The following BNIP5 variants were observed in gnomAD, a reference collection of about 807,000 sequenced individuals.
BNIP5 encodes the protein protein BNIP5.
In BNIP5, 61 loss-of-function variants were observed where a neutral mutation model predicts 67.3. That is an observed-to-expected ratio of 0.91 (90% confidence interval 0.74 to 1.12). BNIP5 has a LOEUF of 1.12. Ranked by LOEUF, BNIP5 falls within the 50% of genes most tolerant of loss-of-function variation. BNIP5 has a pLI of 0.00. For missense variants in BNIP5, 826 were observed against 816.3 expected (o/e 1.01, Z -0.14); for synonymous variants, 317 against 319.0 (o/e 0.99, Z 0.07).
chr6:36,332,889 A>G (rs1335037509), intron 1 of BNIP5, among the ~76,000 whole-genome samples: 1 of 152,200 alleles, frequency 6.6e-6, no homozygotes, highest in African/African-American at 2.4e-5. Context: ...GCCAAACCTG[A>G]GCCCCTGGAG....
chr6:36,335,390 A>T (rs960509110), intron 1 of BNIP5, among the ~76,000 whole-genome samples: 7 of 152,166 alleles, frequency 4.6e-5, no homozygotes, highest in Non-Finnish European at 8.8e-5. Flanking sequence ...TGTGGCACAC[A>T]CACGTGGACC....
rs533239992 is a variant in BNIP5 at position 36,319,428 on chromosome 6, A to G, written c.1851T>C (p.His617=). 8.2e-5 allele frequency: 132 copies of G among 1,614,126 alleles called. No individual in the cohort carries two copies. In the East Asian group the frequency reaches 2.9e-3, roughly 35 times the overall value. The change falls in exon 11 of 12, where the codon CAT becomes CAC. Residue 617 remains histidine, a synonymous_variant. Coordinates refer to ENST00000437635, the MANE Select transcript of BNIP5 (RefSeq NM_001010903.5). ...LANKFAGSNS[H]AMCILMGLRD... Reference sequence around the variant, plus strand: ...TTAGGCCCATGAGGATGCACATGGCATGGCTGTTGCTGCCAGCAAATTTGT... The same window carrying G: ...TTAGGCCCATGAGGATGCACATGGCGTGGCTGTTGCTGCCAGCAAATTTGT...
intron 3 of BNIP5, 27 bp from the exon 4 acceptor site, chr6:36,327,121 A>G (rs1771783116): frequency 2.5e-6 from 4 of 1,600,718 alleles, no homozygotes; most frequent in Non-Finnish European, 3.4e-6. Flanking sequence ...GCATCCGGTT[A>G]TTCTTTCTAA....
At chr6:36,329,686 C>G (rs1206191566) in intron 2 of BNIP5, among the ~76,000 whole-genome samples, 1 of 152,210 alleles carries the variant, frequency 6.6e-6, no homozygotes, top group East Asian at 1.9e-4. Flanking sequence ...GTGGTGGGCA[C>G]CTGTAGTCCC....
chr6:36,320,851 G>A (rs1039146111), intron 10 of BNIP5, among the ~76,000 whole-genome samples: 1 of 152,218 alleles, frequency 6.6e-6, no homozygotes, highest in African/African-American at 2.4e-5. Context: ...CCAAGGACGG[G>A]GGACATGAGC....
chr6:36,319,536 G>C lies in BNIP5; in HGVS notation c.1743C>G (p.Thr581=). 3.7e-6 allele frequency: 6 copies of C among 1,614,126 alleles called. No individual in the cohort carries two copies. Among genetic ancestry groups the C allele is most frequent in the Non-Finnish European group, 4.2e-6 (5 of 1,180,000 alleles). The change falls in exon 11 of 12, where the codon ACC becomes ACG. Residue 581 remains threonine (T), a synonymous_variant. Coordinates refer to ENST00000437635, the MANE Select transcript of BNIP5 (RefSeq NM_001010903.5). ...SDSSLSKLVA[T]LRSQVAHSSK... ...AGGAGTGAGCCACCTGGCTGCGCAGGGTGGCTACCAGCTTGCTGAGGGAGG... is the reference window on the plus strand; with the variant it reads ...AGGAGTGAGCCACCTGGCTGCGCAGCGTGGCTACCAGCTTGCTGAGGGAGG...
intron 4 of BNIP5, 29 bp from the exon 5 acceptor site, chr6:36,326,782 G>A: frequency 6.2e-7 from 1 of 1,612,406 alleles, no homozygotes; most frequent in East Asian, 2.2e-5. Context: ...AAACTGGTCA[G>A]GTTCATGACA....
At chr6:36,326,387 G>T in intron 5 of BNIP5, 123 bp downstream of exon 5, 1 of 1,212,128 alleles carries the variant, frequency 8.2e-7, no homozygotes, top group Non-Finnish European at 1.1e-6. Flanking sequence ...ACCACTCAGG[G>T]CAGAGTGCAA....
At chr6:36,317,487 C>G (rs9470252) in intron 11 of BNIP5, 96 bp from the exon 12 acceptor site, 2 of 1,030,410 alleles carry the variant, frequency 1.9e-6, no homozygotes, top group Non-Finnish European at 3.1e-6. Context: ...CATTGACACC[C>G]CACCCCAGCC....
At chr6:36,318,860 C>T (rs1032419580) in intron 11 of BNIP5, among the ~76,000 whole-genome samples, 1 of 152,166 alleles carries the variant, frequency 6.6e-6, no homozygotes, top group South Asian at 2.1e-4. Context: ...ATTAAGCAAC[C>T]AAGGCCAGGT....
Position 36,326,704 on chromosome 6 carries a change from G to T in BNIP5, c.842C>A (p.Ala281Asp), listed in dbSNP as rs201345909. The T allele has an allele frequency of 3.3e-4, 528 of 1,614,264 alleles. 5 individuals are homozygous for T. In the South Asian group the frequency reaches 5.2e-3, roughly 16 times the overall value. Residue 281 changes from alanine (A) to aspartate (D), a missense_variant, in exon 5 of 12, where the codon GCT becomes GAT. By Grantham distance (126) the Ala-to-Asp change is moderately radical. Transcript: ENST00000437635. ...LGVALPNPAP[A>D]VRKKSQEKKT... is the part of the protein sequence containing the mutation. Reference sequence around the variant, plus strand: ...TTTCTCTTGGGATTTCTTCCTAACAGCTGGTGCTGGGTTTGGCAGGGCCAC... The same window carrying T: ...TTTCTCTTGGGATTTCTTCCTAACATCTGGTGCTGGGTTTGGCAGGGCCAC...
At chr6:36,317,801 C>T (rs990907871) in intron 11 of BNIP5, among the ~76,000 whole-genome samples, 1 of 146,232 alleles carries the variant, frequency 6.8e-6, no homozygotes, top group Non-Finnish European at 1.5e-5. Flanking sequence ...CAATAGCTAC[C>T]AGTTAAATGA....
At chr6:36,324,066 A>G in intron 7 of BNIP5, 63 bp downstream of exon 7, 1 of 1,236,102 alleles carries the variant, frequency 8.1e-7, no homozygotes, top group South Asian at 1.2e-5. Flanking sequence ...GGAAGTTGTT[A>G]CACCAGGCAG....
chr6:36,324,054 A>C, intron 7 of BNIP5, 75 bp downstream of exon 7: 1 of 1,045,318 alleles, frequency 9.6e-7, no homozygotes, highest in Non-Finnish European at 1.5e-6. Context: ...CAGCAGAGAC[A>C]GGGAAGTTGT....
At chr6:36,332,155 C>G (rs1433486454) in intron 1 of BNIP5, among the ~76,000 whole-genome samples, 3 of 152,234 alleles carry the variant, frequency 2.0e-5, no homozygotes, top group Non-Finnish European at 4.4e-5. Context: ...ATCTCTCTCA[C>G]TCCACTCCAC....
intron 2 of BNIP5, among the ~76,000 whole-genome samples, chr6:36,329,574 G>T (rs1010505002): frequency 2.0e-5 from 3 of 152,152 alleles, no homozygotes; most frequent in African/African-American, 7.2e-5. Context: ...ACACTAGGGG[G>T]CCACAGCCCG....
intron 3 of BNIP5, among the ~76,000 whole-genome samples, chr6:36,328,030 A>G: frequency 6.6e-6 from 1 of 152,218 alleles, no homozygotes; most frequent in East Asian, 1.9e-4. Context: ...AAATATGCTC[A>G]TCTTTTTTAC....
chr6:36,334,503 C>T (rs1209508364), intron 1 of BNIP5, among the ~76,000 whole-genome samples: 1 of 152,106 alleles, frequency 6.6e-6, no homozygotes, highest in African/African-American at 2.4e-5. Context: ...CTCAGTCCAG[C>T]TCTCTCCTCC....
At chr6:36,327,176 T>G in intron 3 of BNIP5, 82 bp from the exon 4 acceptor site, 3 of 1,244,484 alleles carry the variant, frequency 2.4e-6, no homozygotes, top group Non-Finnish European at 1.2e-6. Flanking sequence ...GATAGTTCTC[T>G]TAAACAACTC....
Sources: gnomAD v4.1 joint callset for allele counts (sites outside exome capture counted in the v4.1 genomes callset) on GRCh38, gnomAD v4.1.1 for gene constraint, MANE v1.5 for transcripts, NCBI Gene and HGNC (gene_info 2026-07-23, HGNC 2026-07-21) for gene names.